The following PLS1 variants were observed in gnomAD, a reference collection of about 807,000 sequenced individuals.
PLS1 encodes the protein plastin-1.
In PLS1, 32 loss-of-function variants were observed where a neutral mutation model predicts 73.7. That is an observed-to-expected ratio of 0.43 (90% CI 0.33 to 0.58). The LOEUF is 0.58. PLS1 is among the 20% of genes least tolerant of loss of function. The pLI is 0.04. For missense variants in PLS1, 633 were observed against 740.5 expected, an observed-to-expected ratio of 0.85 and a Z score of 1.68; for synonymous variants, 217 against 261.3, an observed-to-expected ratio of 0.83 and a Z score of 1.63.
At chr3:142,638,560 A>C (rs1011273182) in intron 1 of PLS1, among the ~76,000 whole-genome samples, 1 of 152,112 alleles carries the variant, frequency 6.6e-6, no homozygotes, top group African/African-American at 2.4e-5. Flanking sequence ...AACTCTTTCT[A>C]GCCATACCAT....
intron 2 of PLS1, among the ~76,000 whole-genome samples, chr3:142,664,823 T>A (rs774368849): frequency 1.3e-5 from 2 of 152,222 alleles, no homozygotes; most frequent in African/African-American, 4.8e-5. Flanking sequence ...TCACTTTTTA[T>A]AGCCATTTAG....
intron 10 of PLS1, 22 bp from the exon 11 acceptor site, chr3:142,694,447 T>G (rs1349835702): frequency 6.7e-7 from 1 of 1,495,530 alleles, no homozygotes; most frequent in South Asian, 1.1e-5. Flanking sequence ...GAGTCATCAG[T>G]GTGAGCTTGT....
At chr3:142,627,481 A>G (rs373706152) in intron 1 of PLS1, among the ~76,000 whole-genome samples, 159 of 152,204 alleles carry the variant, frequency 1.0e-3, no homozygotes, top group South Asian at 8.1e-3. Context: ...TTTAAACTCT[A>G]CCCTCTCAGG....
At chr3:142,655,061 G>C (rs1228935890) in intron 1 of PLS1, 1 of 152,132 alleles carries the variant, frequency 6.6e-6, no homozygotes, top group Non-Finnish European at 1.5e-5. Context: ...CCTGCAAGGA[G>C]CAAACAATGA....
chr3:142,613,587 ATT>A (rs997218849), intron 1 of PLS1, among the ~76,000 whole-genome samples: 15 of 152,150 alleles, frequency 9.9e-5, no homozygotes, highest in African/African-American at 3.6e-4. Flanking sequence ...AGAAAATATT[ATT>A]TACCTTGATG....
At chr3:142,646,630 G>T (rs1166976300) in intron 1 of PLS1, among the ~76,000 whole-genome samples, 4 of 152,268 alleles carry the variant, frequency 2.6e-5, no homozygotes, top group Non-Finnish European at 4.4e-5. Flanking sequence ...TCAGATAGCA[G>T]CAGAGGCATC....
At chr3:142,704,094 C>A in intron 13 of PLS1, 93 bp downstream of exon 13, 1 of 1,006,586 alleles carries the variant, frequency 9.9e-7, no homozygotes. Flanking sequence ...ATAATGAACA[C>A]AGAAGAAATA....
intron 11 of PLS1, among the ~76,000 whole-genome samples, chr3:142,695,717 T>C (rs917405407): frequency 1.3e-5 from 2 of 152,196 alleles, no homozygotes; most frequent in South Asian, 4.1e-4. Flanking sequence ...TAGCAAACTC[T>C]ATGTAGCCTG....
intron 1 of PLS1, among the ~76,000 whole-genome samples, chr3:142,632,625 G>A (rs1286838061): frequency 5.4e-5 from 8 of 149,310 alleles, no homozygotes; most frequent in Admixed American, 1.3e-4. Flanking sequence ...CTGAGACGGG[G>A]TCTTGTTCTG....
chr3:142,642,677 A>G (rs911647560), intron 1 of PLS1, among the ~76,000 whole-genome samples: 1 of 152,202 alleles, frequency 6.6e-6, no homozygotes, highest in African/African-American at 2.4e-5. Flanking sequence ...AAACAATGGT[A>G]TTAATATTTC....
chr3:142,602,635 G>C (rs76056200), intron 1 of PLS1, among the ~76,000 whole-genome samples: 3,254 of 151,890 alleles, frequency 0.021, 49 homozygotes, highest in South Asian at 0.054. Flanking sequence ...TTTGACCTGT[G>C]AGAAAATGTG....
chr3:142,646,369 T>C (rs2036953080), intron 1 of PLS1, among the ~76,000 whole-genome samples: 1 of 152,216 alleles, frequency 6.6e-6, no homozygotes, highest in African/African-American at 2.4e-5. Context: ...TCATGTGTTT[T>C]TGATTGGATG....
intron 11 of PLS1, 111 bp downstream of exon 11, chr3:142,694,658 A>G (rs2038156487): frequency 1.7e-6 from 1 of 597,184 alleles, no homozygotes; most frequent in East Asian, 3.0e-5. Context: ...ATTTTAGCCA[A>G]TTTTTAGAGT....
At chr3:142,643,621 T>G (rs1180385619) in intron 1 of PLS1, among the ~76,000 whole-genome samples, 1 of 152,140 alleles carries the variant, frequency 6.6e-6, no homozygotes, top group Non-Finnish European at 1.5e-5. Flanking sequence ...GGTCCTAGTA[T>G]ACATCAAAGA....
chr3:142,676,436 C>A, intron 5 of PLS1, 147 bp downstream of exon 5: 1 of 773,706 alleles, frequency 1.3e-6, no homozygotes, highest in Non-Finnish European at 2.1e-6. Flanking sequence ...AGAAAATGAA[C>A]TACTGTATAT....
At chr3:142,615,648 C>T (rs1160816916) in intron 1 of PLS1, among the ~76,000 whole-genome samples, 1 of 152,096 alleles carries the variant, frequency 6.6e-6, no homozygotes, top group Non-Finnish European at 1.5e-5. Context: ...TTAATGTCTA[C>T]TCACCACATC....
chr3:142,663,805 G>A (rs2037423106), intron 1 of PLS1, among the ~76,000 whole-genome samples: 1 of 152,282 alleles, frequency 6.6e-6, no homozygotes, highest in South Asian at 2.1e-4. Context: ...CTTTTTTGTA[G>A]ACATTATTCG....
chr3:142,694,251 T>C (rs2038146037), intron 10 of PLS1, among the ~76,000 whole-genome samples: 1 of 152,072 alleles, frequency 6.6e-6, no homozygotes, highest in Non-Finnish European at 1.5e-5. Flanking sequence ...AAAGGGAATC[T>C]AGAAGGAGAG....
chr3:142,621,973 A>G (rs1356804451), intron 1 of PLS1, among the ~76,000 whole-genome samples: 1 of 152,222 alleles, frequency 6.6e-6, no homozygotes, highest in African/African-American at 2.4e-5. Flanking sequence ...CTATGTAGGA[A>G]TTCCCAAAGA....
Sources: gnomAD v4.1 joint callset for allele counts (sites outside exome capture counted in the v4.1 genomes callset) on GRCh38, gnomAD v4.1.1 for gene constraint, MANE v1.5 for transcripts, NCBI Gene and HGNC (gene_info 2026-07-23, HGNC 2026-07-21) for gene names.